LIMA1: variants seen among roughly 807,000 people sequenced by gnomAD.
LIMA1 encodes the protein LIM domain and actin binding 1.
Under a neutral mutation model 62.6 loss-of-function variants are expected in LIMA1, and 52 were observed. The ratio of observed to expected loss-of-function variants is 0.83; its 90% CI spans 0.67 to 1.05. The LOEUF is 1.05. Among genes scored for constraint, LIMA1 ranks in the 50% least tolerant of loss-of-function variants. LIMA1 has a pLI of 0.00. For synonymous variants in LIMA1, 302 were observed against 317.8 expected, an observed-to-expected ratio of 0.95 and a Z score of 0.53; for missense variants, 780 against 902.2, an observed-to-expected ratio of 0.86 and a Z score of 1.74.
intron 8 of LIMA1, among the ~76,000 whole-genome samples, chr12:50,193,277 C>T (rs1287872384): frequency 6.6e-6 from 1 of 150,742 alleles, no homozygotes; most frequent in East Asian, 2.0e-4. Flanking sequence ...AAAATGATTG[C>T]AAAAAAAGAA....
intron 2 of LIMA1, among the ~76,000 whole-genome samples, chr12:50,241,061 T>C (rs948904511): frequency 6.6e-6 from 1 of 152,216 alleles, no homozygotes; most frequent in Non-Finnish European, 1.5e-5. Context: ...TTTGGTAATC[T>C]TGACAATCCT....
At chr12:50,191,778 C>T (rs1458873315) in intron 9 of LIMA1, among the ~76,000 whole-genome samples, 3 of 152,160 alleles carry the variant, frequency 2.0e-5, no homozygotes, top group Middle Eastern at 3.4e-3. Flanking sequence ...GCCAAGATAG[C>T]GCCACTGCAC....
intron 1 of LIMA1, among the ~76,000 whole-genome samples, chr12:50,273,068 T>C (rs1395831021): frequency 6.6e-6 from 1 of 150,560 alleles, no homozygotes; most frequent in Non-Finnish European, 1.5e-5. Context: ...AAAAAAAGAA[T>C]TGGTTATAAA....
intron 1 of LIMA1, chr12:50,249,719 C>A (rs1941901832): frequency 6.6e-6 from 1 of 152,110 alleles, no homozygotes; most frequent in South Asian, 2.1e-4. Flanking sequence ...AATGAGTCAA[C>A]AGTTTCCTTA....
chr12:50,196,315 C>T (rs1940929813), intron 7 of LIMA1, among the ~76,000 whole-genome samples: 1 of 152,074 alleles, frequency 6.6e-6, no homozygotes, highest in African/African-American at 2.4e-5. Context: ...TTTTAATTTT[C>T]CTAATTCTTA....
At chr12:50,193,606 A>ATGTGTATATGATATATATATACATG (rs66950765) in intron 8 of LIMA1, among the ~76,000 whole-genome samples, 10 of 111,664 alleles carry the variant, frequency 9.0e-5, no homozygotes, top group Admixed American at 3.5e-4. Flanking sequence ...ATATATATAC[A>ATGTGTATATGATATATATATACATG]TGTATATATA....
At chr12:50,275,037 CA>C (rs1942259557) in intron 1 of LIMA1, among the ~76,000 whole-genome samples, 1 of 152,038 alleles carries the variant, frequency 6.6e-6, no homozygotes, top group African/African-American at 2.4e-5. Flanking sequence ...AGTGTGTTTG[CA>C]AGATCAGATA....
intron 1 of LIMA1, among the ~76,000 whole-genome samples, chr12:50,261,042 A>ATATATATTTTTT (rs1383547189): frequency 1.8e-5 from 1 of 54,292 alleles, no homozygotes; most frequent in African/African-American, 7.2e-5. Context: ...CATCTAGTAT[A>ATATATATTTTTT]TTTTTTTTTT....
chr12:50,205,879 A>G (rs1362710767), intron 5 of LIMA1, 105 bp downstream of exon 5: 7 of 655,954 alleles, frequency 1.1e-5, no homozygotes, highest in South Asian at 2.8e-5. Context: ...CTTCCTTTTA[A>G]TTTGTGCCAC....
At chr12:50,231,741 A>G (rs1443033968) in intron 2 of LIMA1, 31 bp from the exon 3 acceptor site, 1 of 1,592,624 alleles carries the variant, frequency 6.3e-7, no homozygotes, top group East Asian at 2.2e-5. Flanking sequence ...GAATGTCTCA[A>G]ATTAAACTTA....
chr12:50,278,503 T>G (rs977446076), intron 1 of LIMA1, among the ~76,000 whole-genome samples: 1 of 152,214 alleles, frequency 6.6e-6, no homozygotes, highest in Admixed American at 6.5e-5. Context: ...TTGAGAATGT[T>G]AATTAGTCTA....
chr12:50,261,836 C>T lies in LIMA1; in HGVS notation c.-23-13062G>A, dbSNP rs144996662. Among the ~76,000 whole-genome samples, 297 of 152,250 alleles carry T rather than the reference C, an allele frequency of 2.0e-3. 1 individual carries two copies. The highest frequency in any genetic ancestry group is 6.4e-3 in the African/African-American group (268 of 41,560). On this transcript the variant is annotated intron_variant, in intron 1 of 10. Coordinates refer to ENST00000341247, the MANE Select transcript of LIMA1 (RefSeq NM_016357.5). ...TGTGAGTCACTGTGCCTGGCTCACACTGTAATTTTTTAAAATCACACTGTA... is the reference window on the plus strand; with the variant it reads ...TGTGAGTCACTGTGCCTGGCTCACATTGTAATTTTTTAAAATCACACTGTA...
intron 4 of LIMA1, among the ~76,000 whole-genome samples, chr12:50,217,469 C>T (rs972920289): frequency 6.6e-6 from 1 of 151,896 alleles, no homozygotes; most frequent in African/African-American, 2.4e-5. Context: ...TTCAGAACTT[C>T]AAGCCTGGCC....
At chr12:50,239,107 A>G (rs1941737297) in intron 2 of LIMA1, among the ~76,000 whole-genome samples, 1 of 152,248 alleles carries the variant, frequency 6.6e-6, no homozygotes, top group South Asian at 2.1e-4. Flanking sequence ...AACGAAAGAA[A>G]TAACCAAAAC....
intron 4 of LIMA1, among the ~76,000 whole-genome samples, chr12:50,220,792 A>C (rs972863897): frequency 2.0e-5 from 3 of 152,252 alleles, no homozygotes; most frequent in Non-Finnish European, 2.9e-5. Context: ...AAGGTCTAAA[A>C]ACTTGAGAGG....
chr12:50,225,768 T>TC (rs1941518486), intron 3 of LIMA1, among the ~76,000 whole-genome samples: 1 of 152,136 alleles, frequency 6.6e-6, no homozygotes, highest in South Asian at 2.1e-4. Context: ...GCCAGGCTGG[T>TC]CCTGACCTCA....
intron 1 of LIMA1, among the ~76,000 whole-genome samples, chr12:50,252,726 GCA>G (rs1380168331): frequency 1.3e-5 from 2 of 151,940 alleles, no homozygotes; most frequent in African/African-American, 4.8e-5. Context: ...TATTTACTTA[GCA>G]CATGCATGGT....
At chr12:50,252,014 G>A (rs1277254995) in intron 1 of LIMA1, among the ~76,000 whole-genome samples, 1 of 152,200 alleles carries the variant, frequency 6.6e-6, no homozygotes, top group Non-Finnish European at 1.5e-5. Flanking sequence ...AGATGTCCCT[G>A]CCTGAATGGT....
chr12:50,230,073 C>G (rs987226749), intron 3 of LIMA1: 2 of 152,320 alleles, frequency 1.3e-5, no homozygotes, highest in Non-Finnish European at 2.9e-5. Context: ...CTCACTCTGT[C>G]GCCCAGGCTG....
Sources: allele counts gnomAD v4.1 joint callset (sites outside exome capture counted in the v4.1 genomes callset), GRCh38; gene constraint gnomAD v4.1.1; transcripts MANE v1.5; gene names NCBI Gene and HGNC (gene_info 2026-07-23, HGNC 2026-07-21).